The following MYO1D variants were observed in gnomAD, a reference collection of about 807,000 sequenced individuals.
The protein encoded by MYO1D is unconventional myosin-Id.
MYO1D carries 83 observed loss-of-function variants against 122.0 expected under a neutral mutation model. The observed-to-expected ratio is 0.68, with a 90% CI of 0.57 to 0.82. The LOEUF (loss-of-function observed/expected upper bound fraction) is 0.82, where lower values mean the gene tolerates loss of function less well. Among genes scored for constraint, MYO1D ranks in the 40% least tolerant of loss-of-function variants. MYO1D has a pLI of 0.00. For synonymous variants in MYO1D, 464 were observed against 446.9 expected (o/e 1.04, Z -0.48); for missense variants, 1,157 against 1,269.5 (o/e 0.91, Z 1.35).
At chr17:32,825,530 C>T (rs1027672302) in intron 1 of MYO1D, among the ~76,000 whole-genome samples, 6 of 152,118 alleles carry the variant, frequency 3.9e-5, no homozygotes. Context: ...TGGGCTCAGG[C>T]GATCCATCCA....
chr17:32,517,629 C>G (rs563558800), intron 21 of MYO1D, among the ~76,000 whole-genome samples: 2 of 152,094 alleles, frequency 1.3e-5, no homozygotes, highest in Non-Finnish European at 2.9e-5. Context: ...TGTGCACCAC[C>G]GCTTTAAACC....
chr17:32,731,860 C>T (rs534390166), intron 14 of MYO1D, among the ~76,000 whole-genome samples: 155 of 152,334 alleles, frequency 1.0e-3, no homozygotes, highest in African/African-American at 3.6e-3. Flanking sequence ...GCCATAACCA[C>T]CCAGCCATGG....
Position 32,531,652 on chromosome 17 carries a change from A to G in MYO1D, c.2865-36737T>C, listed in dbSNP as rs62062466. Among the ~76,000 whole-genome samples, 970 of 152,328 alleles carry G rather than the reference A, an allele frequency of 6.4e-3. 9 individuals carry two copies. The highest frequency in any genetic ancestry group is 7.5e-3 in the Non-Finnish European group (513 of 68,026). On this transcript the variant is annotated intron_variant, in intron 21 of 21. Coordinates refer to ENST00000318217, the MANE Select transcript of MYO1D (RefSeq NM_015194.3). ...CAGACATTAATCCCCAATTTTCTAA[A>G]CCTGGCTCAAGGCATTAACCTTTTG...
intron 7 of MYO1D, among the ~76,000 whole-genome samples, chr17:32,766,261 A>G (rs1451141622): frequency 1.3e-5 from 2 of 152,174 alleles, no homozygotes; most frequent in Admixed American, 6.5e-5. Context: ...TTCAATAAGC[A>G]ATACATACTT....
At chr17:32,541,069 T>C (rs549612803) in intron 21 of MYO1D, among the ~76,000 whole-genome samples, 1 of 152,324 alleles carries the variant, frequency 6.6e-6, no homozygotes, top group East Asian at 1.9e-4. Flanking sequence ...TATGGTTTAC[T>C]ATATGACTCA....
intron 1 of MYO1D, among the ~76,000 whole-genome samples, chr17:32,875,724 A>C (rs1028882905): frequency 6.6e-6 from 1 of 152,196 alleles, no homozygotes; most frequent in East Asian, 1.9e-4. Context: ...TGACAGGGGT[A>C]GTTAATAATG....
chr17:32,572,603 C>A (rs541893080), intron 21 of MYO1D, among the ~76,000 whole-genome samples: 1 of 152,096 alleles, frequency 6.6e-6, no homozygotes, highest in African/African-American at 2.4e-5. Context: ...CACATCACCC[C>A]CTTTGCTAAA....
intron 21 of MYO1D, among the ~76,000 whole-genome samples, chr17:32,517,193 G>A (rs1909921171): frequency 6.6e-6 from 1 of 152,212 alleles, no homozygotes; most frequent in South Asian, 2.1e-4. Flanking sequence ...TAATATTTAG[G>A]TCACTGCTGC....
intron 21 of MYO1D, among the ~76,000 whole-genome samples, chr17:32,597,148 C>G (rs940938153): frequency 3.3e-5 from 5 of 152,154 alleles, no homozygotes; most frequent in African/African-American, 9.7e-5. Flanking sequence ...CTTTTCTAAG[C>G]AGGAAAGCAA....
At chr17:32,527,931 C>T (rs186363499) in intron 21 of MYO1D, among the ~76,000 whole-genome samples, 6 of 150,430 alleles carry the variant, frequency 4.0e-5, no homozygotes, top group Admixed American at 6.6e-5. Flanking sequence ...CTCTGCCTCT[C>T]GGGTTCAAGC....
intron 21 of MYO1D, among the ~76,000 whole-genome samples, chr17:32,563,350 C>T (rs1389914871): frequency 6.6e-6 from 1 of 151,632 alleles, no homozygotes; most frequent in African/African-American, 2.4e-5. Flanking sequence ...GCTGGGATTA[C>T]AGACACGCAC....
At chr17:32,864,923 A>T (rs2091111140) in intron 1 of MYO1D, among the ~76,000 whole-genome samples, 1 of 152,188 alleles carries the variant, frequency 6.6e-6, no homozygotes, top group Admixed American at 6.5e-5. Context: ...CCGATAGGAA[A>T]GGTTGAATGC....
chr17:32,542,488 T>G (rs553196671), intron 21 of MYO1D, among the ~76,000 whole-genome samples: 1 of 152,224 alleles, frequency 6.6e-6, no homozygotes, highest in East Asian at 1.9e-4. Context: ...TATTAACACT[T>G]TATTGATCCT....
chr17:32,605,213 T>C lies in MYO1D; in HGVS notation c.2738A>G (p.Lys913Arg). 6.3e-7 allele frequency: 1 copy of C among 1,587,080 alleles called. No homozygotes were observed. Among genetic ancestry groups the C allele is most frequent in the East Asian group, 2.3e-5 (1 of 44,324 alleles). The part of the protein sequence containing the change: ...NLTGLSVSNG[K>R]DQLVVFHTKD... The stretch of plus-strand genomic sequence containing the variant: ...CGTATGGAACACTACAAGTTGGTCC[T>C]TTCCATTGGAGACACTCAGACCAGT... The change falls in exon 21 of 22, where the codon AAG (lysine) becomes AGG (arginine). Residue 913 changes from lysine (K) to arginine (R), a missense_variant. Coordinates refer to ENST00000318217, the MANE Select transcript of MYO1D (RefSeq NM_015194.3).
intron 16 of MYO1D, among the ~76,000 whole-genome samples, chr17:32,693,856 G>A (rs990828474): frequency 1.3e-5 from 2 of 152,190 alleles, no homozygotes; most frequent in African/African-American, 4.8e-5. Flanking sequence ...CCAAGTAGGT[G>A]GGAAGAGAAA....
At chr17:32,585,476 T>G (rs936127298) in intron 21 of MYO1D, among the ~76,000 whole-genome samples, 2 of 152,168 alleles carry the variant, frequency 1.3e-5, no homozygotes, top group African/African-American at 4.8e-5. Context: ...ATGCCTGTAA[T>G]CCGAGCACTT....
chr17:32,862,562 T>G (rs1299498798), intron 1 of MYO1D, among the ~76,000 whole-genome samples: 1 of 152,224 alleles, frequency 6.6e-6, no homozygotes, highest in Non-Finnish European at 1.5e-5. Context: ...AATCAAGGTA[T>G]TAACAAGGAG....
intron 20 of MYO1D, among the ~76,000 whole-genome samples, chr17:32,608,578 G>A (rs185349883): frequency 1.8e-3 from 281 of 152,312 alleles, no homozygotes; most frequent in African/African-American, 6.5e-3. Context: ...CAGCCACTGT[G>A]GAAACAGTGG....
At chr17:32,596,455 T>C (rs2150907891) in intron 21 of MYO1D, among the ~76,000 whole-genome samples, 1 of 152,300 alleles carries the variant, frequency 6.6e-6, no homozygotes, top group Admixed American at 6.5e-5. Flanking sequence ...TCACCTCCCC[T>C]GGCTCCTCAC....
Sources: allele counts gnomAD v4.1 joint callset (sites outside exome capture counted in the v4.1 genomes callset), GRCh38; gene constraint gnomAD v4.1.1; transcripts MANE v1.5; gene names NCBI Gene and HGNC (gene_info 2026-07-23, HGNC 2026-07-21).